TSHZ3: variants seen among roughly 807,000 people sequenced by gnomAD.
TSHZ3 encodes teashirt zinc finger homeobox 3, also known as teashirt homolog 3.
A neutral mutation model predicts 64.5 loss-of-function variants in TSHZ3; 10 were observed. The ratio of observed to expected loss-of-function variants is 0.16; its 90% CI spans 0.10 to 0.26. The LOEUF (loss-of-function observed/expected upper bound fraction) is 0.26. Ranked by LOEUF, TSHZ3 falls within the 10% of genes least tolerant of loss-of-function variation. The probability of loss-of-function intolerance (pLI) is 1.00; values close to 1 mark genes in which losing one functional copy is unlikely to be tolerated. For synonymous variants in TSHZ3, 608 were observed against 593.1 expected, an observed-to-expected ratio of 1.03 and a Z score of -0.36; for missense variants, 1,242 against 1,421.7, an observed-to-expected ratio of 0.87 and a Z score of 2.03.
At chr19:31,331,829 GA>G (rs998262104) in intron 1 of TSHZ3, among the ~76,000 whole-genome samples, 1 of 152,180 alleles carries the variant, frequency 6.6e-6, no homozygotes, top group African/African-American at 2.4e-5. Context: ...CCTTCGTAAG[GA>G]GGGGTGGCTG....
rs1042589257 is a variant in TSHZ3 at position 31,293,030 on chromosome 19, AATCC to A, written c.41-13282_41-13279del. On this transcript the variant is annotated intron_variant, in intron 1 of 1. Transcript: ENST00000240587. Reference sequence around the variant, plus strand: ...TCAAAAATGTATCCATCCATCCAAAAATCCATCCATCCATCCATCCATCCAAAAA... The same window carrying A: ...TCAAAAATGTATCCATCCATCCAAAAATCCATCCATCCATCCATCCAAAAA... Among the ~76,000 whole-genome samples, 7 of 121,156 alleles carry A rather than the reference AATCC, an allele frequency of 5.8e-5. No homozygotes were observed. The East Asian group carries it at 1.3e-3, about 22-fold the overall frequency. The allele number at this position is 121,156 out of a possible 152,430, so 79.5% of individuals were successfully genotyped here.
intron 5 of TSHZ3, among the ~76,000 whole-genome samples, chr19:31,174,087 CA>C (rs1045236670): frequency 6.6e-6 from 1 of 152,016 alleles, no homozygotes; most frequent in Non-Finnish European, 1.5e-5. Flanking sequence ...AACAAACAAA[CA>C]AAAAAAAAAA....
At chr19:31,286,867 G>A (rs1003310480) in intron 1 of TSHZ3, among the ~76,000 whole-genome samples, 10 of 152,196 alleles carry the variant, frequency 6.6e-5, no homozygotes, top group Non-Finnish European at 8.8e-5. Flanking sequence ...TATCATGTCC[G>A]GGGAGAGAAG....
chr19:31,162,577 C>T (rs946863797), intron 5 of TSHZ3, among the ~76,000 whole-genome samples: 5 of 152,096 alleles, frequency 3.3e-5, no homozygotes, highest in Non-Finnish European at 7.4e-5. Flanking sequence ...TCACAGCACA[C>T]GTCATTTTTT....
At chr19:31,340,751 C>A (rs959226752) in intron 1 of TSHZ3, among the ~76,000 whole-genome samples, 1 of 152,198 alleles carries the variant, frequency 6.6e-6, no homozygotes, top group Non-Finnish European at 1.5e-5. Flanking sequence ...AGGCCCAGGG[C>A]CCAGACCCCA....
At position 31,345,386 on chromosome 19, in the gene TSHZ3, G is replaced by C. The variant is rs972243725; in HGVS notation, c.40+3794C>G. On this transcript the variant is annotated intron_variant, in intron 1 of 1. Coordinates refer to ENST00000240587, the MANE Select transcript of TSHZ3 (RefSeq NM_020856.4). ...GAAAAGCTCCTTCCTGGAGCTGCCC[G>C]ATGTGTGGACCAGACTTAGGAAGGT... 4.6e-5 allele frequency among the ~76,000 whole-genome samples: 7 copies of C among 152,166 alleles called. No individual in the cohort carries two copies. In the East Asian group the frequency reaches 9.6e-4, roughly 21 times the overall value.
exon 7 of TSHZ3, among the ~76,000 whole-genome samples, chr19:31,150,792 C>T (rs1464842505): frequency 1.3e-5 from 2 of 152,150 alleles, no homozygotes; most frequent in East Asian, 1.9e-4. Flanking sequence ...CCTGTACCAC[C>T]GAAGTCCCCT....
At chr19:31,176,187 G>A (rs1974604074) in intron 5 of TSHZ3, among the ~76,000 whole-genome samples, 1 of 152,146 alleles carries the variant, frequency 6.6e-6, no homozygotes, top group Admixed American at 6.5e-5. Flanking sequence ...CCAGCCCAGG[G>A]GACATCCAGG....
At chr19:31,224,237 A>G (rs915805206) in intron 4 of TSHZ3, among the ~76,000 whole-genome samples, 1 of 152,182 alleles carries the variant, frequency 6.6e-6, no homozygotes, top group African/African-American at 2.4e-5. Context: ...TCTGATATGT[A>G]TTGCTTTCTC....
At chr19:31,327,999 T>A (rs2145177097) in intron 1 of TSHZ3, among the ~76,000 whole-genome samples, 1 of 152,380 alleles carries the variant, frequency 6.6e-6, no homozygotes, top group South Asian at 2.1e-4. Context: ...CTTTAGTTAC[T>A]GAGATATCAA....
chr19:31,328,914 G>A (rs757705165), intron 1 of TSHZ3, among the ~76,000 whole-genome samples: 1 of 152,150 alleles, frequency 6.6e-6, no homozygotes, highest in Non-Finnish European at 1.5e-5. Flanking sequence ...AAACATCTTT[G>A]TCACCTAAGC....
At chr19:31,246,745 C>T (rs565675063) in intron 1 of TSHZ3, among the ~76,000 whole-genome samples, 8 of 152,094 alleles carry the variant, frequency 5.3e-5, no homozygotes, top group African/African-American at 7.2e-5. Flanking sequence ...AGCATGGAGG[C>T]GTTTCTTTCT....
intron 5 of TSHZ3, among the ~76,000 whole-genome samples, chr19:31,180,538 C>T (rs1204178184): frequency 6.6e-6 from 1 of 152,218 alleles, no homozygotes; most frequent in Non-Finnish European, 1.5e-5. Context: ...TGTCTCAATG[C>T]TGCACATGGA....
chr19:31,264,406 A>G (rs1437210586), intron 1 of TSHZ3, among the ~76,000 whole-genome samples: 1 of 152,128 alleles, frequency 6.6e-6, no homozygotes, highest in African/African-American at 2.4e-5. Flanking sequence ...TTTTTTCCCC[A>G]TCTGCCTCCT....
chr19:31,170,311 GTC>G (rs1974519614), intron 5 of TSHZ3, among the ~76,000 whole-genome samples: 1 of 152,248 alleles, frequency 6.6e-6, no homozygotes, highest in Non-Finnish European at 1.5e-5. Flanking sequence ...AGCTCTGGTA[GTC>G]TCTTCCTCTC....
At chr19:31,287,804 G>A (rs1279959837) in intron 1 of TSHZ3, among the ~76,000 whole-genome samples, 3 of 152,192 alleles carry the variant, frequency 2.0e-5, no homozygotes, top group African/African-American at 7.2e-5. Flanking sequence ...GTGGCCCTCA[G>A]GATGGCCACC....
intron 5 of TSHZ3, among the ~76,000 whole-genome samples, chr19:31,177,398 G>A (rs1974627667): frequency 6.6e-6 from 1 of 152,190 alleles, no homozygotes; most frequent in Non-Finnish European, 1.5e-5. Context: ...GGCCCCACGG[G>A]AATCTCCATG....
chr19:31,283,193 A>G (rs951251426), intron 1 of TSHZ3, among the ~76,000 whole-genome samples: 1 of 152,206 alleles, frequency 6.6e-6, no homozygotes, highest in East Asian at 1.9e-4. Context: ...AATTAGCCAG[A>G]CATGGTGGCA....
chr19:31,286,802 C>T (rs903192920), intron 1 of TSHZ3, among the ~76,000 whole-genome samples: 1 of 152,198 alleles, frequency 6.6e-6, no homozygotes, highest in Admixed American at 6.5e-5. Context: ...AGCATCCCCA[C>T]CCTCAGCTCA....
Sources: allele counts gnomAD v4.1 joint callset (sites outside exome capture counted in the v4.1 genomes callset), GRCh38; gene constraint gnomAD v4.1.1; transcripts MANE v1.5; gene names NCBI Gene and HGNC (gene_info 2026-07-23, HGNC 2026-07-21).